The following AIG1 variants were observed in gnomAD, a reference collection of about 807,000 sequenced individuals.
AIG1 encodes androgen-induced gene 1 protein.
AIG1 carries 23 observed loss-of-function variants against 31.4 expected under a neutral mutation model. That is an observed-to-expected ratio of 0.73 (90% CI 0.53 to 1.04). The LOEUF (loss-of-function observed/expected upper bound fraction) is 1.04, where lower values mean the gene tolerates loss of function less well. Among genes scored for constraint, AIG1 ranks in the 50% least tolerant of loss-of-function variants. AIG1 has a pLI of 0.00. For synonymous variants in AIG1, 100 were observed against 110.5 expected, an observed-to-expected ratio of 0.90 and a Z score of 0.60; for missense variants, 274 against 295.0, an observed-to-expected ratio of 0.93 and a Z score of 0.52.
intron 1 of AIG1, among the ~76,000 whole-genome samples, chr6:143,111,126 A>G (rs1033887394): frequency 6.6e-6 from 1 of 152,188 alleles, no homozygotes; most frequent in Non-Finnish European, 1.5e-5. Context: ...TTTTAGAGTT[A>G]AAGTCTCTTG....
intron 2 of AIG1, among the ~76,000 whole-genome samples, chr6:143,153,602 C>A (rs772276802): frequency 6.6e-6 from 1 of 152,150 alleles, no homozygotes; most frequent in Non-Finnish European, 1.5e-5. Context: ...CTGCCTCGGC[C>A]TCCCAAAGTG....
intron 3 of AIG1, among the ~76,000 whole-genome samples, chr6:143,277,362 T>G (rs1175880572): frequency 1.3e-5 from 2 of 152,228 alleles, no homozygotes; most frequent in African/African-American, 4.8e-5. Flanking sequence ...CTAGGAACCC[T>G]TCCGTATCCC....
At chr6:143,283,135 A>C (rs1188847075) in intron 3 of AIG1, among the ~76,000 whole-genome samples, 1 of 152,196 alleles carries the variant, frequency 6.6e-6, no homozygotes, top group Non-Finnish European at 1.5e-5. Context: ...CTGTCCACTA[A>C]ATTTCAAAAC....
At chr6:143,244,248 T>A (rs1357659676) in intron 3 of AIG1, among the ~76,000 whole-genome samples, 1 of 152,096 alleles carries the variant, frequency 6.6e-6, no homozygotes, top group Non-Finnish European at 1.5e-5. Context: ...TGGCAGGATG[T>A]GGGAGTTCCC....
chr6:143,124,298 C>T (rs1782493287), intron 1 of AIG1, among the ~76,000 whole-genome samples: 1 of 152,198 alleles, frequency 6.6e-6, no homozygotes, highest in Admixed American at 6.5e-5. Context: ...CCCCACTCAT[C>T]AGTGGTGTAG....
intron 3 of AIG1, among the ~76,000 whole-genome samples, chr6:143,249,283 A>G (rs1331912271): frequency 1.3e-5 from 2 of 152,226 alleles, no homozygotes; most frequent in African/African-American, 4.8e-5. Context: ...TGTCAGTAAC[A>G]TAGTGACGGA....
At chr6:143,142,875 C>T (rs1429810597) in intron 2 of AIG1, among the ~76,000 whole-genome samples, 3 of 152,052 alleles carry the variant, frequency 2.0e-5, no homozygotes, top group Non-Finnish European at 1.5e-5. Flanking sequence ...AATGCAAACT[C>T]AAAGAAAAAG....
At chr6:143,187,574 A>C in intron 3 of AIG1, 1 of 1,536,118 alleles carries the variant, frequency 6.5e-7, no homozygotes, top group Non-Finnish European at 8.7e-7. Flanking sequence ...ATGAAAAGCA[A>C]CCTTCTGCAG....
intron 2 of AIG1, among the ~76,000 whole-genome samples, chr6:143,145,962 A>C (rs1273467734): frequency 6.6e-6 from 1 of 152,232 alleles, no homozygotes; most frequent in Non-Finnish European, 1.5e-5. Context: ...ATAAACAACA[A>C]CTGAAATCTG....
At chr6:143,337,560 GT>G (rs909880058) in intron 5 of AIG1, among the ~76,000 whole-genome samples, 2 of 152,156 alleles carry the variant, frequency 1.3e-5, no homozygotes, top group African/African-American at 4.8e-5. Context: ...CCCAATTTTG[GT>G]ATATCTGACC....
chr6:143,304,067 ATTGATT>A (rs1799052968), intron 4 of AIG1, among the ~76,000 whole-genome samples: 2 of 148,562 alleles, frequency 1.3e-5, no homozygotes, highest in South Asian at 4.3e-4. Context: ...GTTTTTGTGC[ATTGATT>A]TTGTATCCTG....
At chr6:143,240,562 C>T (rs1000038448) in intron 3 of AIG1, among the ~76,000 whole-genome samples, 7 of 152,334 alleles carry the variant, frequency 4.6e-5, no homozygotes, top group Non-Finnish European at 2.9e-5. Flanking sequence ...ATCATCCAAT[C>T]TTTGCTCCTT....
chr6:143,291,290 C>T lies in AIG1; in HGVS notation c.515+7065C>T, dbSNP rs1798044403. On this transcript the variant is annotated intron_variant, in intron 4 of 5. Coordinates refer to ENST00000357847, the MANE Select transcript of AIG1 (RefSeq NM_016108.4). This position sits in a 1 kb window ranked among gnomAD's most constrained non-coding sequence, Gnocchi z 4.2. ...GGAGTTGAGCTGTCTTGATGGTGGC[C>T]CACCCAAGAAAGAATGGCTCCTGGG... 1.3e-5 allele frequency among the ~76,000 whole-genome samples: 2 copies of T among 152,008 alleles called. No individual in the cohort carries two copies. The highest frequency in any genetic ancestry group is 4.8e-5 in the African/African-American group (2 of 41,382).
intron 3 of AIG1, among the ~76,000 whole-genome samples, chr6:143,259,511 G>C (rs1242621796): frequency 6.6e-6 from 1 of 151,836 alleles, no homozygotes; most frequent in Non-Finnish European, 1.5e-5. Context: ...TTTTTTCTTG[G>C]GCCCTGTTTT....
At chr6:143,179,348 G>T (rs749465029) in intron 3 of AIG1, among the ~76,000 whole-genome samples, 1 of 152,192 alleles carries the variant, frequency 6.6e-6, no homozygotes, top group Admixed American at 6.5e-5. Context: ...CACTTTTCTT[G>T]TGTGCAGAAT....
chr6:143,224,002 C>A (rs1482401007), intron 3 of AIG1, among the ~76,000 whole-genome samples: 1 of 152,098 alleles, frequency 6.6e-6, no homozygotes, highest in African/African-American at 2.4e-5. Context: ...TCCTCCCGAA[C>A]GTCTCCTGCC....
rs149922893 is a variant in AIG1 at position 143,176,538 on chromosome 6, TG to T, written c.399+11360del. ...GCTTGCTCCAGCTGCTGTGGGAGATTGGGGGTGTAGTTCCCAGGCCAAGGGG... is the reference window on the plus strand; with the variant it reads ...GCTTGCTCCAGCTGCTGTGGGAGATTGGGGTGTAGTTCCCAGGCCAAGGGG... On this transcript the variant is annotated intron_variant, in intron 3 of 5. Transcript: ENST00000357847. 3.2e-3 allele frequency among the ~76,000 whole-genome samples: 478 copies of T among 148,648 alleles called. 14 individuals carry two copies. The East Asian group carries it at 0.063, about 20-fold the overall frequency.
At chr6:143,219,908 C>T (rs891875876) in intron 3 of AIG1, among the ~76,000 whole-genome samples, 7 of 152,324 alleles carry the variant, frequency 4.6e-5, no homozygotes, top group South Asian at 4.1e-4. Context: ...CACTACACAA[C>T]GGCATTGCTA....
chr6:143,112,317 A>T (rs1781346235), intron 1 of AIG1, among the ~76,000 whole-genome samples: 2 of 152,182 alleles, frequency 1.3e-5, no homozygotes, highest in Admixed American at 1.3e-4. Flanking sequence ...TACCTTGGTT[A>T]TGTCATGCTC....
Sources: gnomAD v4.1 joint callset for allele counts (sites outside exome capture counted in the v4.1 genomes callset) on GRCh38, gnomAD v4.1.1 for gene constraint, Gnocchi (gnomAD v3.1) non-coding constraint, MANE v1.5 for transcripts, NCBI Gene and HGNC (gene_info 2026-07-23, HGNC 2026-07-21) for gene names.